Variants in SLC30A4 observed in about 807,000 individuals in gnomAD.
The protein encoded by SLC30A4 is probable proton-coupled zinc antiporter SLC30A4.
In SLC30A4, 20 loss-of-function variants were observed where a neutral mutation model predicts 41.7. The ratio of observed to expected loss-of-function variants is 0.48; its 90% CI spans 0.34 to 0.70. SLC30A4 has a LOEUF of 0.70. SLC30A4 is among the 30% of genes least tolerant of loss of function. The pLI, the probability that SLC30A4 is intolerant of heterozygous loss-of-function variation, is 0.01. For synonymous variants in SLC30A4, 181 were observed against 195.9 expected, an observed-to-expected ratio of 0.92 and a Z score of 0.64; for missense variants, 441 against 529.3, an observed-to-expected ratio of 0.83 and a Z score of 1.64.
chr15:45,500,716 C>T (rs1566878288), intron 3 of SLC30A4, among the ~76,000 whole-genome samples: 1 of 151,532 alleles, frequency 6.6e-6, no homozygotes, highest in East Asian at 2.0e-4. Flanking sequence ...GAGTTTCGCT[C>T]TTGTTGCCCA....
chr15:45,493,481 A>G lies in SLC30A4; in HGVS notation c.539-2600T>C, dbSNP rs149668576. Among the ~76,000 whole-genome samples, 38 of 152,198 alleles carry G rather than the reference A, an allele frequency of 2.5e-4. No individual in the cohort carries two copies. In the East Asian group the frequency reaches 7.4e-3, roughly 30 times the overall value. ...CAATTTATAAATTATAACACAAAAAAATTATCTAGCAATTATAGGCTATTT... is the reference window on the plus strand; with the variant it reads ...CAATTTATAAATTATAACACAAAAAGATTATCTAGCAATTATAGGCTATTT... On this transcript the variant is annotated intron_variant, in intron 3 of 7. Coordinates refer to ENST00000261867, the MANE Select transcript of SLC30A4 (RefSeq NM_013309.6).
At chr15:45,496,010 C>T (rs542214200) in intron 3 of SLC30A4, among the ~76,000 whole-genome samples, 1 of 151,736 alleles carries the variant, frequency 6.6e-6, no homozygotes, top group East Asian at 1.9e-4. Flanking sequence ...GACATATATC[C>T]CAAAATGTCT....
At chr15:45,504,057 G>C (rs1892098576) in intron 3 of SLC30A4, among the ~76,000 whole-genome samples, 1 of 152,166 alleles carries the variant, frequency 6.6e-6, no homozygotes, top group Admixed American at 6.6e-5. Flanking sequence ...AGACCATTTG[G>C]AGGAACTGAG....
intron 6 of SLC30A4, among the ~76,000 whole-genome samples, chr15:45,487,021 C>G (rs1891716504): frequency 7.0e-6 from 1 of 142,208 alleles, no homozygotes; most frequent in Non-Finnish European, 1.5e-5. Context: ...AACAGATAAA[C>G]TAAGAAAAAA....
rs372555791 is a variant in SLC30A4 at position 45,511,631 on chromosome 15, G to A, written c.392-347C>T. 5.9e-5 allele frequency among the ~76,000 whole-genome samples: 9 copies of A among 152,114 alleles called. No homozygotes were observed. The South Asian group carries it at 8.3e-4, about 14-fold the overall frequency. The stretch of plus-strand genomic sequence containing the variant: ...CCCGAGTAGCTGGGACTACAGGCAC[G>A]TGCCACCACGCCCGGCTAATTTTTG... On this transcript the variant is annotated intron_variant, in intron 2 of 7. Transcript: ENST00000261867.
chr15:45,508,366 G>T (rs1349048110), intron 3 of SLC30A4, among the ~76,000 whole-genome samples: 1 of 152,144 alleles, frequency 6.6e-6, no homozygotes, highest in Admixed American at 6.5e-5. Context: ...CTGAGTAGAG[G>T]TAGGAGTAAG....
intron 3 of SLC30A4, among the ~76,000 whole-genome samples, chr15:45,499,903 G>A (rs1408091069): frequency 6.6e-6 from 1 of 152,104 alleles, no homozygotes; most frequent in African/African-American, 2.4e-5. Flanking sequence ...CTCACATGAA[G>A]GAAAAGTAGC....
rs543942034 is a variant in SLC30A4 at position 45,481,273 on chromosome 15, A to G, written c.*3890T>C. ...TTGTAAAAATCTGCACTCACATTAC[A>G]TAAGGCATAGCTAATGGAAATGTAT... On this transcript the variant is annotated 3_prime_UTR_variant, in exon 8 of 8. Coordinates refer to ENST00000261867, the MANE Select transcript of SLC30A4 (RefSeq NM_013309.6). The G allele has an allele frequency of 1.1e-4, 17 of 152,076 alleles. No homozygotes were observed. Among genetic ancestry groups the G allele is most frequent in the Admixed American group, 6.6e-4 (10 of 15,266 alleles). The allele number at this position is 152,076 out of a possible 1,614,324, so 9.4% of individuals were successfully genotyped here.
chr15:45,506,112 G>C (rs1445233593), intron 3 of SLC30A4, among the ~76,000 whole-genome samples: 1 of 152,072 alleles, frequency 6.6e-6, no homozygotes, highest in Non-Finnish European at 1.5e-5. Flanking sequence ...CCAGCTACTC[G>C]AGAGGCTGAG....
intron 4 of SLC30A4, 93 bp from the exon 5 acceptor site, chr15:45,489,135 A>C (rs890794731): frequency 4.6e-6 from 4 of 867,874 alleles, no homozygotes; most frequent in African/African-American, 3.4e-5. Context: ...CATGGAACTC[A>C]TTTATTTAAT....
intron 3 of SLC30A4, among the ~76,000 whole-genome samples, chr15:45,507,175 C>G (rs1488002089): frequency 6.6e-6 from 1 of 151,708 alleles, no homozygotes; most frequent in African/African-American, 2.4e-5. Flanking sequence ...CAAAAATTAG[C>G]CATGAGTGGC....
At chr15:45,509,336 C>T (rs527311162) in intron 3 of SLC30A4, among the ~76,000 whole-genome samples, 1 of 151,786 alleles carries the variant, frequency 6.6e-6, no homozygotes, top group South Asian at 2.1e-4. Flanking sequence ...TCACTACAAC[C>T]TCCGCCTCCC....
At chr15:45,517,677 G>A (rs575195071) in intron 2 of SLC30A4, among the ~76,000 whole-genome samples, 3 of 151,836 alleles carry the variant, frequency 2.0e-5, no homozygotes, top group South Asian at 2.1e-4. Context: ...GGCCAGGCGC[G>A]GTGGCTCACG....
At chr15:45,504,786 T>C (rs1892113346) in intron 3 of SLC30A4, among the ~76,000 whole-genome samples, 2 of 152,150 alleles carry the variant, frequency 1.3e-5, no homozygotes, top group Non-Finnish European at 2.9e-5. Context: ...AAATAGAAAA[T>C]GGAGGCACAA....
At chr15:45,494,173 T>C (rs1391119284) in intron 3 of SLC30A4, among the ~76,000 whole-genome samples, 1 of 152,152 alleles carries the variant, frequency 6.6e-6, no homozygotes, top group Non-Finnish European at 1.5e-5. Context: ...TTATGGATGA[T>C]TTTTTAGAAT....
chr15:45,511,151 T>C lies in SLC30A4; in HGVS notation c.525A>G (p.Gly175=). ...SKSPTKRFTF[G]FHRLEVLSAM... is the part of the protein sequence containing the mutation. ...CCAACTACCTACCTAAGCGATGAAA[T>C]CCAAAGGTGAATCTTTTGGTTGGTG... is the stretch of plus-strand genomic sequence containing the variant. Residue 175 remains glycine, a synonymous_variant, in exon 3 of 8, where the codon GGA becomes GGG. Transcript: ENST00000261867. 9 of 1,613,368 alleles carry C rather than the reference T, an allele frequency of 5.6e-6. No homozygotes were observed. Among genetic ancestry groups the C allele is most frequent in the Non-Finnish European group, 7.6e-6 (9 of 1,179,636 alleles).
rs376504317 is a variant in SLC30A4 at position 45,522,162 on chromosome 15, C to A, written c.193G>T (p.Ala65Ser). 3.1e-6 allele frequency: 5 copies of A among 1,614,104 alleles called. No individual in the cohort carries two copies. In the African/African-American group the frequency reaches 6.7e-5, roughly 22 times the overall value. The change falls in exon 2 of 8, where the codon GCG becomes TCG. Residue 65 changes from alanine (A) to serine (S), a missense_variant. This residue lies in a region of SLC30A4 where 312 missense variants were observed against 341.9 expected (regional missense o/e 0.91). Transcript: ENST00000261867. ...TCGTCGGCCTGGAGGGTCGGGTGCG[C>A]CCCGTTAACAGGCCTTTCCGGGGCT... is the stretch of plus-strand genomic sequence containing the variant. ...SEAPERPVNG[A>S]HPTLQADDDS...
At chr15:45,513,845 AAAGGACGTGC>A (rs1336553999) in intron 2 of SLC30A4, 5 of 152,184 alleles carry the variant, frequency 3.3e-5, no homozygotes, top group African/African-American at 1.2e-4. Context: ...GTAGTTCCCT[AAAGGACGTGC>A]AAGGATGTTT....
intron 3 of SLC30A4, among the ~76,000 whole-genome samples, chr15:45,504,959 G>A (rs1261485616): frequency 6.6e-6 from 1 of 152,086 alleles, no homozygotes; most frequent in African/African-American, 2.4e-5. Context: ...AACCGGGTAT[G>A]GTGGCTCACG....
Sources: allele counts gnomAD v4.1 joint callset (sites outside exome capture counted in the v4.1 genomes callset), GRCh38; gene constraint gnomAD v4.1.1; regional missense constraint gnomAD v4.1.1; transcripts MANE v1.5; gene names NCBI Gene and HGNC (gene_info 2026-07-23, HGNC 2026-07-21).